MYT1L: variants seen among roughly 807,000 people sequenced by gnomAD.
MYT1L encodes myelin transcription factor 1 like.
MYT1L carries 12 observed loss-of-function variants against 126.7 expected under a neutral mutation model. The ratio of observed to expected loss-of-function variants is 0.09; its 90% confidence interval spans 0.06 to 0.15. MYT1L has a LOEUF of 0.15. Ranked by LOEUF, MYT1L falls within the 10% of genes least tolerant of loss-of-function variation. The pLI is 1.00. For synonymous variants in MYT1L, 541 were observed against 604.2 expected, an observed-to-expected ratio of 0.90 and a Z score of 1.53; for missense variants, 979 against 1,585.2, an observed-to-expected ratio of 0.62 and a Z score of 6.49.
intron 3 of MYT1L, among the ~76,000 whole-genome samples, chr2:2,122,499 T>G (rs753515860): frequency 5.3e-5 from 8 of 152,166 alleles, no homozygotes; most frequent in Non-Finnish European, 1.0e-4. Flanking sequence ...CTCCCTGTAA[T>G]GGCCGGCGTA....
At chr2:1,994,366 G>A (rs1446132798) in intron 5 of MYT1L, among the ~76,000 whole-genome samples, 1 of 150,432 alleles carries the variant, frequency 6.6e-6, no homozygotes, top group Non-Finnish European at 1.5e-5. Context: ...CTCAGCCCTG[G>A]TTCAGGCCCT....
chr2:2,233,307 C>T (rs1005331135), intron 2 of MYT1L, among the ~76,000 whole-genome samples: 5 of 152,132 alleles, frequency 3.3e-5, no homozygotes, highest in Non-Finnish European at 7.4e-5. Context: ...AAGCAGAGCA[C>T]GGGGCGCCGG....
At chr2:2,122,837 ATG>A (rs200951880) in intron 3 of MYT1L, among the ~76,000 whole-genome samples, 4,001 of 135,360 alleles carry the variant, frequency 0.03, 79 homozygotes, top group East Asian at 0.057. Context: ...GAGGATAGGA[ATG>A]TGTGTGTGTG....
At chr2:1,851,179 A>C (rs2043217389) in intron 19 of MYT1L, among the ~76,000 whole-genome samples, 1 of 152,144 alleles carries the variant, frequency 6.6e-6, no homozygotes, top group African/African-American at 2.4e-5. Context: ...CAGTGCCTAG[A>C]CTTTGTAACA....
At chr2:1,845,685 T>C (rs2042402314) in intron 19 of MYT1L, among the ~76,000 whole-genome samples, 1 of 152,204 alleles carries the variant, frequency 6.6e-6, no homozygotes, top group Non-Finnish European at 1.5e-5. Context: ...CTGTCTAGGC[T>C]AAAAGCTAAG....
intron 2 of MYT1L, among the ~76,000 whole-genome samples, chr2:2,193,159 G>C (rs571286590): frequency 6.6e-6 from 1 of 152,064 alleles, no homozygotes; most frequent in Non-Finnish European, 1.5e-5. Flanking sequence ...TATATTTTTA[G>C]TAGAGACGGG....
chr2:1,822,965 G>A (rs13422144), intron 21 of MYT1L, among the ~76,000 whole-genome samples: 2,960 of 152,294 alleles, frequency 0.019, 53 homozygotes, highest in Non-Finnish European at 0.031. Context: ...GGTTGTTAAC[G>A]TTATCACTGC....
intron 14 of MYT1L, among the ~76,000 whole-genome samples, chr2:1,900,265 C>T (rs1157399776): frequency 6.6e-6 from 1 of 152,046 alleles, no homozygotes; most frequent in Non-Finnish European, 1.5e-5. Flanking sequence ...CAACAACCTA[C>T]CAGCCAGTCT....
At chr2:1,924,481 C>T (rs181809615) in intron 9 of MYT1L, among the ~76,000 whole-genome samples, 1 of 152,126 alleles carries the variant, frequency 6.6e-6, no homozygotes, top group East Asian at 1.9e-4. Flanking sequence ...GGTATATTGA[C>T]CTCTACAAAA....
chr2:2,213,353 C>G (rs2093588292), intron 2 of MYT1L, among the ~76,000 whole-genome samples: 1 of 152,120 alleles, frequency 6.6e-6, no homozygotes, highest in Non-Finnish European at 1.5e-5. Flanking sequence ...ACCAATATAG[C>G]TAGAGGCTTC....
At chr2:2,109,090 C>T (rs1237691769) in intron 3 of MYT1L, among the ~76,000 whole-genome samples, 1 of 152,230 alleles carries the variant, frequency 6.6e-6, no homozygotes, top group African/African-American at 2.4e-5. Flanking sequence ...TTCCTCTTCA[C>T]TGAGGTCAAA....
chr2:2,201,714 C>T lies in MYT1L; in HGVS notation c.-420-28726G>A, dbSNP rs200475823. 1.8e-4 allele frequency among the ~76,000 whole-genome samples: 27 copies of T among 150,318 alleles called. No homozygotes were observed. The East Asian group carries it at 3.5e-3, about 19-fold the overall frequency. On this transcript the variant is annotated intron_variant, in intron 2 of 24. Transcript: ENST00000647738. ...CTCTGCCTCAAAAAAAAAAAAAAATCGTAAGTGTTTTAAAGTTTAACCTTT... is the reference window on the plus strand; with the variant it reads ...CTCTGCCTCAAAAAAAAAAAAAAATTGTAAGTGTTTTAAAGTTTAACCTTT...
chr2:1,944,380 TA>T (rs1558489218), intron 8 of MYT1L, among the ~76,000 whole-genome samples: 1 of 152,094 alleles, frequency 6.6e-6, no homozygotes. Context: ...ATAGGTGGGT[TA>T]GGGGAGACAT....
chr2:2,301,824 C>CAAAA (rs1559606134), intron 1 of MYT1L, among the ~76,000 whole-genome samples: 2 of 113,334 alleles, frequency 1.8e-5, no homozygotes, highest in African/African-American at 6.7e-5. Flanking sequence ...CCCTGTCTGT[C>CAAAA]TAAAAAAAAA....
intron 3 of MYT1L, among the ~76,000 whole-genome samples, chr2:2,098,625 C>G (rs903596765): frequency 6.6e-6 from 1 of 152,170 alleles, no homozygotes; most frequent in Non-Finnish European, 1.5e-5. Flanking sequence ...GCCCTGCAGA[C>G]ACAGGGCAGG....
intron 8 of MYT1L, among the ~76,000 whole-genome samples, chr2:1,956,574 T>TTCTTTCTATCTATCTATCTA (rs1369480046): frequency 4.9e-5 from 5 of 101,516 alleles, no homozygotes; most frequent in African/African-American, 1.1e-4. Context: ...ATATTTCCTA[T>TTCTTTCTATCTATCTATCTA]TCTATCTATC....
At chr2:2,293,892 G>A (rs551693675) in intron 1 of MYT1L, among the ~76,000 whole-genome samples, 1 of 152,330 alleles carries the variant, frequency 6.6e-6, no homozygotes, top group South Asian at 2.1e-4. Context: ...ACGCCAGCCT[G>A]CTCCGTGCTT....
At chr2:1,840,708 C>A in intron 20 of MYT1L, 52 bp downstream of exon 20, 1 of 1,317,134 alleles carries the variant, frequency 7.6e-7, no homozygotes, top group South Asian at 1.3e-5. Context: ...TTGAATGCCT[C>A]GTCCCCACAT....
At chr2:2,212,242 C>CTGA (rs781377677) in intron 2 of MYT1L, among the ~76,000 whole-genome samples, 21,977 of 152,082 alleles carry the variant, frequency 0.14, 1,718 homozygotes, top group African/African-American at 0.19. Flanking sequence ...CTTTGAACAC[C>CTGA]AATATCTTAG....
Sources: gnomAD v4.1 joint callset for allele counts (sites outside exome capture counted in the v4.1 genomes callset) on GRCh38, gnomAD v4.1.1 for gene constraint, MANE v1.5 for transcripts, NCBI Gene and HGNC (gene_info 2026-07-23, HGNC 2026-07-21) for gene names.